MPP7: variants seen among roughly 807,000 people sequenced by gnomAD.
MPP7 encodes MAGUK p55 subfamily member 7.
Under a neutral mutation model 76.5 loss-of-function variants are expected in MPP7, and 60 were observed. That is an observed-to-expected ratio of 0.78 (90% CI 0.64 to 0.97). The LOEUF (loss-of-function observed/expected upper bound fraction) is 0.97, where lower values mean the gene tolerates loss of function less well. Among genes scored for constraint, MPP7 ranks in the 50% least tolerant of loss-of-function variants. The probability of loss-of-function intolerance (pLI) is 0.00; values close to 1 mark genes in which losing one functional copy is unlikely to be tolerated. For missense variants in MPP7, 641 were observed against 694.0 expected, an observed-to-expected ratio of 0.92 and a Z score of 0.86; for synonymous variants, 237 against 244.5, an observed-to-expected ratio of 0.97 and a Z score of 0.29.
At chr10:28,235,290 C>G (rs972724436) in intron 2 of MPP7, among the ~76,000 whole-genome samples, 2 of 152,158 alleles carry the variant, frequency 1.3e-5, no homozygotes, top group African/African-American at 4.8e-5. Flanking sequence ...ATCATTTCTC[C>G]AAATGAAATG....
intron 2 of MPP7, among the ~76,000 whole-genome samples, chr10:28,226,514 T>C (rs1477463655): frequency 1.3e-5 from 2 of 152,192 alleles, no homozygotes; most frequent in Non-Finnish European, 2.9e-5. Context: ...CCCAAAGTGC[T>C]GGATTACAGG....
At position 28,251,357 on chromosome 10, in the gene MPP7, G is replaced by A. The variant is rs899711025; in HGVS notation, c.-131-12622C>T. ...CATGCCTGTAGTCCCAGCTACTCGGGAGGCTGAGGCAGGATAATTGCTTGA... is the reference window on the plus strand; with the variant it reads ...CATGCCTGTAGTCCCAGCTACTCGGAAGGCTGAGGCAGGATAATTGCTTGA... On this transcript the variant is annotated intron_variant, in intron 1 of 16. Coordinates refer to ENST00000683449, the MANE Select transcript of MPP7 (RefSeq NM_001318170.2). 2.0e-5 allele frequency among the ~76,000 whole-genome samples: 3 copies of A among 152,192 alleles called. No homozygotes were observed. In the South Asian group the frequency reaches 6.2e-4, roughly 32 times the overall value.
chr10:28,204,721 G>C lies in MPP7; in HGVS notation c.38-2450C>G, dbSNP rs114952893. The stretch of plus-strand genomic sequence containing the variant: ...ACACGGTTGTTGTAAGAATTCTATA[G>C]AGCAATTCATATGGCAGCATTTAGC... On this transcript the variant is annotated intron_variant, in intron 2 of 16. Coordinates refer to ENST00000683449, the MANE Select transcript of MPP7 (RefSeq NM_001318170.2). Among the ~76,000 whole-genome samples the C allele has an allele frequency of 4.4e-3, 666 of 152,320 alleles. 5 individuals carry two copies. The highest frequency in any genetic ancestry group is 0.015 in the African/African-American group (608 of 41,578).
At chr10:28,296,348 G>C (rs1180265992) in intron 1 of MPP7, among the ~76,000 whole-genome samples, 2 of 152,038 alleles carry the variant, frequency 1.3e-5, no homozygotes, top group Non-Finnish European at 2.9e-5. Flanking sequence ...CAGTGTTCTG[G>C]TAAGAAACAA....
At chr10:28,154,385 T>C (rs1588857490) in intron 3 of MPP7, among the ~76,000 whole-genome samples, 1 of 152,126 alleles carries the variant, frequency 6.6e-6, no homozygotes. Context: ...CAGTCAGAAG[T>C]AAAAATGTAA....
chr10:28,180,959 G>A (rs1837038954), intron 3 of MPP7, among the ~76,000 whole-genome samples: 2 of 152,198 alleles, frequency 1.3e-5, no homozygotes, highest in African/African-American at 4.8e-5. Context: ...CCTGTAAACA[G>A]CACTACTGCA....
rs139762594 is a variant in MPP7, at chr10:28,056,766, CAATT to C, written c.1408-147_1408-144del. On this transcript the variant is annotated intron_variant, in intron 15 of 16. Coordinates refer to ENST00000683449, the MANE Select transcript of MPP7 (RefSeq NM_001318170.2). ...ATATTATTATTCAATTAACTGTTGACAATTAAATGTAACAAACACTTCTGAAAAG... is the reference window on the plus strand; with the variant it reads ...ATATTATTATTCAATTAACTGTTGACAAATGTAACAAACACTTCTGAAAAG... The C allele has an allele frequency of 2.9e-3, 1,849 of 647,730 alleles. 33 individuals are homozygous for C. The African/African-American group carries it at 0.033, about 11-fold the overall frequency. The allele number at this position is 647,730 out of a possible 1,614,324, so 40.1% of individuals were successfully genotyped here. A position where few individuals can be genotyped will look rare whatever the true frequency, so the allele number is the denominator to read the frequency against.
At chr10:28,223,292 C>T (rs1489775998) in intron 2 of MPP7, among the ~76,000 whole-genome samples, 1 of 152,194 alleles carries the variant, frequency 6.6e-6, no homozygotes, top group Non-Finnish European at 1.5e-5. Context: ...ACACTAATCA[C>T]TGAGCTCGAA....
intron 2 of MPP7, among the ~76,000 whole-genome samples, chr10:28,234,125 G>C (rs1838988842): frequency 6.6e-6 from 1 of 152,110 alleles, no homozygotes; most frequent in South Asian, 2.1e-4. Flanking sequence ...CTACTTCTAG[G>C]ACTGGGGCAG....
chr10:28,222,679 C>A (rs1300689320), intron 2 of MPP7, among the ~76,000 whole-genome samples: 2 of 151,548 alleles, frequency 1.3e-5, no homozygotes, highest in Admixed American at 1.3e-4. Context: ...GGTGAAACCC[C>A]GTCTCCACTA....
chr10:28,209,680 TAAC>T (rs1173882300), intron 2 of MPP7, among the ~76,000 whole-genome samples: 1 of 152,184 alleles, frequency 6.6e-6, no homozygotes, highest in African/African-American at 2.4e-5. Flanking sequence ...TTGCCTGTCT[TAAC>T]AATATGCTAA....
intron 3 of MPP7, among the ~76,000 whole-genome samples, chr10:28,169,002 A>G (rs1211842991): frequency 6.6e-6 from 1 of 152,086 alleles, no homozygotes; most frequent in Non-Finnish European, 1.5e-5. Flanking sequence ...CCATAGACTT[A>G]CAAGTCTGTA....
At chr10:28,318,790 T>C (rs1358573309) in intron 2 of MPP7, among the ~76,000 whole-genome samples, 1 of 152,242 alleles carries the variant, frequency 6.6e-6, no homozygotes, top group Non-Finnish European at 1.5e-5. Flanking sequence ...GTTTTTTACT[T>C]GCCTTGCTTA....
intron 2 of MPP7, among the ~76,000 whole-genome samples, chr10:28,212,962 T>C (rs1333856616): frequency 6.6e-6 from 1 of 151,990 alleles, no homozygotes; most frequent in Admixed American, 6.6e-5. Context: ...TTCCTAGAGA[T>C]AGGGTCTTGC....
At chr10:28,307,999 C>T (rs1433514421), upstream of MPP7, among the ~76,000 whole-genome samples, 4 of 152,210 alleles carry the variant, frequency 2.6e-5, no homozygotes, top group African/African-American at 7.2e-5. Flanking sequence ...AAACATCCAA[C>T]TCCACTTCTC....
chr10:28,217,784 A>G (rs1357651891), intron 2 of MPP7, among the ~76,000 whole-genome samples: 1 of 152,166 alleles, frequency 6.6e-6, no homozygotes, highest in African/African-American at 2.4e-5. Context: ...GCTTTGTAAA[A>G]GGGAAAATTA....
chr10:28,311,286 G>A (rs544084055), intron 2 of MPP7, among the ~76,000 whole-genome samples: 1 of 152,280 alleles, frequency 6.6e-6, no homozygotes, highest in East Asian at 1.9e-4. Flanking sequence ...TGTAAACTGA[G>A]AGTGATCTAA....
intron 5 of MPP7, among the ~76,000 whole-genome samples, chr10:28,134,576 T>C (rs374839052): frequency 1.2e-4 from 19 of 152,096 alleles, no homozygotes; most frequent in African/African-American, 4.6e-4. Flanking sequence ...AGAGTTTTAA[T>C]GGGGAAGAAA....
At chr10:28,104,131 G>A (rs933897990) in intron 11 of MPP7, among the ~76,000 whole-genome samples, 3 of 152,002 alleles carry the variant, frequency 2.0e-5, no homozygotes, top group Non-Finnish European at 4.4e-5. Context: ...GATTTGGCTA[G>A]GTGAAAAGAA....
Sources: gnomAD v4.1 joint callset for allele counts (sites outside exome capture counted in the v4.1 genomes callset) on GRCh38, gnomAD v4.1.1 for gene constraint, MANE v1.5 for transcripts, NCBI Gene and HGNC (gene_info 2026-07-23, HGNC 2026-07-21) for gene names.